The following ATP2C1 variants were observed in gnomAD, a reference collection of about 807,000 sequenced individuals.
ATP2C1 encodes the protein ATPase secretory pathway Ca2+ transporting 1, also known as calcium-transporting ATPase type 2C member 1.
ATP2C1 carries 31 observed loss-of-function variants against 120.5 expected under a neutral mutation model. The ratio of observed to expected loss-of-function variants is 0.26; its 90% CI spans 0.19 to 0.35. ATP2C1 has a LOEUF of 0.35. ATP2C1 is among the 10% of genes least tolerant of loss of function. The pLI, the probability that ATP2C1 is intolerant of heterozygous loss-of-function variation, is 1.00. For missense variants in ATP2C1, 731 were observed against 1,107.5 expected, an observed-to-expected ratio of 0.66 and a Z score of 4.83; for synonymous variants, 351 against 358.7, an observed-to-expected ratio of 0.98 and a Z score of 0.24.
chr3:130,884,202 A>G (rs749633576), intron 1 of ATP2C1, among the ~76,000 whole-genome samples: 1 of 151,794 alleles, frequency 6.6e-6, no homozygotes, highest in Non-Finnish European at 1.5e-5. Flanking sequence ...CGGCCTCCCA[A>G]AGTGCTGAGA....
At position 131,002,108 on chromosome 3, in the gene ATP2C1, T is replaced by C; in HGVS notation, c.*758T>C. ...GGGTAACAGTGTCCATAATTAACGC[T>C]TAGTCATAGAGTCAAAAACATTTAA... On this transcript the variant is annotated 3_prime_UTR_variant, in exon 28 of 28. Coordinates refer to ENST00000510168, the MANE Select transcript of ATP2C1 (RefSeq NM_001378687.1). 1.0e-6 allele frequency: 1 copy of C among 985,456 alleles called. No individual in the cohort carries two copies. The highest frequency in any genetic ancestry group is 1.7e-5 in the African/African-American group (1 of 57,342). The allele number at this position is 985,456 out of a possible 1,614,324, so 61.0% of individuals were successfully genotyped here.
intron 1 of ATP2C1, among the ~76,000 whole-genome samples, chr3:130,881,397 C>G (rs767274993): frequency 4.0e-4 from 60 of 151,354 alleles, no homozygotes; most frequent in Middle Eastern, 3.4e-3. Context: ...GTCTCTCTCT[C>G]ATCCAGGCTG....
intron 14 of ATP2C1, 98 bp from the exon 15 acceptor site, chr3:130,967,047 A>C (rs540381193): frequency 1.1e-6 from 1 of 878,746 alleles, no homozygotes; most frequent in South Asian, 1.3e-5. Context: ...TTATAAATAA[A>C]ATGAACAGAA....
intron 4 of ATP2C1, among the ~76,000 whole-genome samples, chr3:130,932,614 T>C (rs1032618935): frequency 6.6e-6 from 1 of 152,152 alleles, no homozygotes; most frequent in Non-Finnish European, 1.5e-5. Flanking sequence ...GATAGTTAGC[T>C]CTCAGTAGAT....
intron 6 of ATP2C1, among the ~76,000 whole-genome samples, chr3:130,938,172 A>G (rs2059749586): frequency 6.6e-6 from 1 of 152,206 alleles, no homozygotes; most frequent in African/African-American, 2.4e-5. Context: ...ACTATGAATA[A>G]TGTGGAGATA....
chr3:130,919,158 A>G, intron 2 of ATP2C1: 1 of 270,052 alleles, frequency 3.7e-6, no homozygotes, highest in Non-Finnish European at 7.2e-6. Context: ...AGGCGGAGCT[A>G]GAGAGGCTGG....
At chr3:130,969,912 T>C (rs1321021358) in intron 17 of ATP2C1, among the ~76,000 whole-genome samples, 1 of 152,244 alleles carries the variant, frequency 6.6e-6, no homozygotes, top group Non-Finnish European at 1.5e-5. Context: ...TCCTGGGTGC[T>C]TGAGAAATTT....
At chr3:130,915,168 ACTGCAAC>A (rs2058626996) in intron 2 of ATP2C1, among the ~76,000 whole-genome samples, 1 of 151,200 alleles carries the variant, frequency 6.6e-6, no homozygotes, top group South Asian at 2.1e-4. Context: ...ATCTTGGCTC[ACTGCAAC>A]CTCCGCCTCC....
chr3:130,888,788 G>A (rs1251500108), intron 1 of ATP2C1, among the ~76,000 whole-genome samples: 1 of 152,102 alleles, frequency 6.6e-6, no homozygotes, highest in Non-Finnish European at 1.5e-5. Flanking sequence ...TATAAAACCA[G>A]GTACTCCGAT....
At chr3:130,908,490 A>T (rs1169512374) in intron 2 of ATP2C1, among the ~76,000 whole-genome samples, 1 of 151,994 alleles carries the variant, frequency 6.6e-6, no homozygotes, top group African/African-American at 2.4e-5. Flanking sequence ...AACACCAGAA[A>T]TACTTGTATA....
rs113436071 is a variant in ATP2C1, at chr3:130,993,970, A to C, written c.1929A>C (p.Gly643=). 3 of 1,614,130 alleles carry C rather than the reference A, an allele frequency of 1.9e-6. No individual in the cohort carries two copies. The Admixed American group carries it at 5.0e-5, about 27-fold the overall frequency. Residue 643 remains glycine, a synonymous_variant, in exon 22 of 28, where the codon GGA becomes GGC. Transcript: ENST00000510168. ...ACGGTTCAGTTGTAGCCATGACAGG[A>C]GATGGAGTAAATGATGCAGTTGCTC... ...QKNGSVVAMT[G]DGVNDAVALK...
At chr3:130,930,298 T>C in intron 2 of ATP2C1, 118 bp from the exon 3 acceptor site, 1 of 729,238 alleles carries the variant, frequency 1.4e-6, no homozygotes, top group Non-Finnish European at 2.5e-6. Flanking sequence ...GTAATTAGTC[T>C]GAAATATTTT....
intron 1 of ATP2C1, among the ~76,000 whole-genome samples, chr3:130,859,748 T>G (rs1215747761): frequency 2.0e-5 from 3 of 152,120 alleles, no homozygotes; most frequent in African/African-American, 7.2e-5. Flanking sequence ...TTCATTTACT[T>G]TAAAATTTTT....
intron 8 of ATP2C1, among the ~76,000 whole-genome samples, chr3:130,944,243 C>G (rs962664022): frequency 1.1e-4 from 16 of 152,210 alleles, no homozygotes; most frequent in Non-Finnish European, 1.8e-4. Context: ...GTAAACTTGC[C>G]TGGGTCCTTA....
At chr3:130,880,417 T>TG (rs2068744091) in intron 1 of ATP2C1, among the ~76,000 whole-genome samples, 1 of 152,164 alleles carries the variant, frequency 6.6e-6, no homozygotes, top group Non-Finnish European at 1.5e-5. Context: ...GCCTAAATAT[T>TG]GGACATTTAG....
At chr3:131,013,299 T>C (rs1207502191) in intron 26 of ATP2C1, among the ~76,000 whole-genome samples, 4 of 152,352 alleles carry the variant, frequency 2.6e-5, no homozygotes, top group African/African-American at 9.6e-5. Context: ...GATATGTATA[T>C]CTGATATTTT....
In ATP2C1 at chr3:130,894,168, C is replaced by CCCA; in HGVS notation, c.-350_-349insCCA. 1.2e-6 allele frequency: 1 copy of CCCA among 858,118 alleles called. No individual in the cohort carries two copies. Among genetic ancestry groups the CCCA allele is most frequent in the Non-Finnish European group, 1.4e-6 (1 of 714,022 alleles). 53.2% of individuals were successfully genotyped at this position (858,118 alleles called of 1,614,324 possible). A position where few individuals can be genotyped will look rare whatever the true frequency, so the allele number is the denominator to read the frequency against. ...CTTCTCTCCCCTCCCCGCCCGCCCTCTCTCCCTCCCTTCCTCCCTCCCGCT... is the reference window on the plus strand; with the variant it reads ...CTTCTCTCCCCTCCCCGCCCGCCCTCCCATCTCCCTCCCTTCCTCCCTCCCGCT... On this transcript the variant is annotated 5_prime_UTR_variant, in exon 1 of 28. Coordinates refer to ENST00000510168, the MANE Select transcript of ATP2C1 (RefSeq NM_001378687.1). This position sits in a 1 kb window ranked among gnomAD's most constrained non-coding sequence, Gnocchi z 4.5.
chr3:130,999,982 A>T (rs1039281322), intron 27 of ATP2C1, among the ~76,000 whole-genome samples: 2 of 152,178 alleles, frequency 1.3e-5, no homozygotes, highest in Non-Finnish European at 2.9e-5. Flanking sequence ...AGAAAACTAG[A>T]CTTAATCTCC....
At chr3:130,940,558 T>G in intron 6 of ATP2C1, 72 bp from the exon 7 acceptor site, 53 of 984,532 alleles carry the variant, frequency 5.4e-5, no homozygotes, top group Non-Finnish European at 8.0e-5. Context: ...AAATAATGAT[T>G]GAGATTAATA....
Sources: allele counts gnomAD v4.1 joint callset (sites outside exome capture counted in the v4.1 genomes callset), GRCh38; gene constraint gnomAD v4.1.1; non-coding constraint Gnocchi (gnomAD v3.1); transcripts MANE v1.5; gene names NCBI Gene and HGNC (gene_info 2026-07-23, HGNC 2026-07-21).